Variants in TEX10 observed in about 807,000 individuals in gnomAD.
The protein encoded by TEX10 is testis-expressed protein 10.
TEX10 carries 24 observed loss-of-function variants against 104.4 expected under a neutral mutation model. The ratio of observed to expected loss-of-function variants is 0.23; its 90% CI spans 0.17 to 0.32. The LOEUF (loss-of-function observed/expected upper bound fraction) is 0.32, where lower values mean the gene tolerates loss of function less well. TEX10 is among the 10% of genes least tolerant of loss of function. The probability of loss-of-function intolerance (pLI) is 1.00; values close to 1 mark genes in which losing one functional copy is unlikely to be tolerated. For synonymous variants in TEX10, 396 were observed against 393.4 expected (o/e 1.01, Z -0.08); for missense variants, 921 against 1,083.9 (o/e 0.85, Z 2.11).
chr9:100,322,801 A>G (rs1358809475), intron 9 of TEX10, among the ~76,000 whole-genome samples: 1 of 152,092 alleles, frequency 6.6e-6, no homozygotes, highest in Non-Finnish European at 1.5e-5. Flanking sequence ...TTTTTAGTAG[A>G]GATGGGGTTT....
At chr9:100,332,707 G>A (rs1431124223) in intron 5 of TEX10, among the ~76,000 whole-genome samples, 1 of 151,968 alleles carries the variant, frequency 6.6e-6, no homozygotes, top group African/African-American at 2.4e-5. Flanking sequence ...TGTAGTCCCA[G>A]CTACTCAGGA....
At chr9:100,347,682 C>G in intron 2 of TEX10, among the ~76,000 whole-genome samples, 1 of 152,134 alleles carries the variant, frequency 6.6e-6, no homozygotes, top group East Asian at 1.9e-4. Flanking sequence ...TGACAGCAAT[C>G]ACACCATCAT....
intron 11 of TEX10, among the ~76,000 whole-genome samples, chr9:100,315,502 T>C (rs1452107462): frequency 2.0e-5 from 3 of 152,184 alleles, no homozygotes; most frequent in Non-Finnish European, 4.4e-5. Context: ...TCTTGCTGAA[T>C]TGATCCGTTC....
intron 10 of TEX10, among the ~76,000 whole-genome samples, 154 bp downstream of exon 10, chr9:100,321,526 TTTC>T (rs761508046): frequency 2.0e-5 from 3 of 152,174 alleles, no homozygotes; most frequent in Non-Finnish European, 2.9e-5. Context: ...AGAAATATTC[TTTC>T]GATTTCCAGT....
At chr9:100,318,896 A>T (rs1444346896) in intron 11 of TEX10, among the ~76,000 whole-genome samples, 1 of 152,140 alleles carries the variant, frequency 6.6e-6, no homozygotes, top group East Asian at 1.9e-4. Flanking sequence ...AGATCTCTTA[A>T]AAAGAAGACA....
intron 9 of TEX10, among the ~76,000 whole-genome samples, chr9:100,323,451 C>T (rs1289865497): frequency 1.3e-5 from 2 of 152,114 alleles, no homozygotes; most frequent in Non-Finnish European, 2.9e-5. Context: ...GAGCATCTTT[C>T]CGTATTTATG....
chr9:100,310,383 T>C lies in TEX10; in HGVS notation c.2203-4A>G. On this transcript the variant is annotated splice_polypyrimidine_tract_variant and splice_region_variant and intron_variant, in intron 11 of 14. Coordinates refer to ENST00000374902, the MANE Select transcript of TEX10 (RefSeq NM_017746.4). ...CCAATAAACTGTGAAAAACTGCCTGTCAGAAAAGGAGAAAACCACTAACCA... is the reference window on the plus strand; with the variant it reads ...CCAATAAACTGTGAAAAACTGCCTGCCAGAAAAGGAGAAAACCACTAACCA... 1.2e-6 allele frequency: 2 copies of C among 1,612,704 alleles called. No individual in the cohort carries two copies. Among genetic ancestry groups the C allele is most frequent in the South Asian group, 2.2e-5 (2 of 90,732 alleles).
In TEX10 at chr9:100,346,058, C is replaced by A. The variant is rs1835291885; in HGVS notation, c.1137+14G>T. 2 of 1,602,602 alleles carry A rather than the reference C, an allele frequency of 1.2e-6. No individual in the cohort carries two copies. Among genetic ancestry groups the A allele is most frequent in the South Asian group, 2.2e-5 (2 of 89,176 alleles). On this transcript the variant is annotated intron_variant, in intron 4 of 14. Coordinates refer to ENST00000374902, the MANE Select transcript of TEX10 (RefSeq NM_017746.4). ...CTATTAATACTAAGAAAATAAAGAACCATTAGTTCTCACCAATTTATGGGT... is the reference window on the plus strand; with the variant it reads ...CTATTAATACTAAGAAAATAAAGAAACATTAGTTCTCACCAATTTATGGGT...
Position 100,331,682 on chromosome 9 carries a change from G to T in TEX10, c.1251-1513C>A, listed in dbSNP as rs572358228. The stretch of plus-strand genomic sequence containing the variant: ...AGGTTACAAAGAGCCAGAGGCTAAA[G>T]ACATCAAAATTAATTGTGTAAGCAA... On this transcript the variant is annotated intron_variant, in intron 5 of 14. Transcript: ENST00000374902. Among the ~76,000 whole-genome samples, 7 of 152,312 alleles carry T rather than the reference G, an allele frequency of 4.6e-5. No homozygotes were observed. The South Asian group carries it at 1.4e-3, about 32-fold the overall frequency.
intron 5 of TEX10, among the ~76,000 whole-genome samples, chr9:100,336,349 T>C (rs1835008796): frequency 6.6e-6 from 1 of 152,118 alleles, no homozygotes; most frequent in Non-Finnish European, 1.5e-5. Context: ...AAATGAAGAT[T>C]GTTCTGTATT....
intron 9 of TEX10, among the ~76,000 whole-genome samples, chr9:100,323,600 G>T (rs554565335): frequency 6.6e-6 from 1 of 152,140 alleles, no homozygotes; most frequent in Non-Finnish European, 1.5e-5. Flanking sequence ...AACTATAACT[G>T]GTTGGTAAAA....
Position 100,349,258 on chromosome 9 carries a change from T to C in TEX10, c.106A>G (p.Lys36Glu), listed in dbSNP as rs202033924. The C allele has an allele frequency of 1.2e-6, 2 of 1,607,242 alleles. No homozygotes were observed. Among genetic ancestry groups the C allele is most frequent in the Non-Finnish European group, 8.5e-7 (1 of 1,178,184 alleles). ...AGTTGCTCAGGCAGATGTATAGTCT[T>C]TGTTTTAAAGTTTGTAGGAGTAGCA... ...QNATPTNFKT[K>E]TIHLPEQLKE... Residue 36 changes from lysine to glutamate, a missense_variant, in exon 2 of 15, where the codon AAG becomes GAG. Lys to Glu is a moderately conservative substitution (Grantham distance 56, BLOSUM62 1). Around this residue, in one of 3 missense-constraint regions of TEX10, gnomAD observed 118 missense variants for 111.3 expected, o/e 1.06. Transcript: ENST00000374902.
chr9:100,325,156 TTAAA>T (rs1394694062), intron 9 of TEX10, among the ~76,000 whole-genome samples: 2 of 152,186 alleles, frequency 1.3e-5, no homozygotes, highest in Non-Finnish European at 2.9e-5. Flanking sequence ...AGAAAGTCTA[TTAAA>T]AGTAAGCTAC....
At position 100,303,796 on chromosome 9, in the gene TEX10, G is replaced by A. The variant is rs146070264; in HGVS notation, c.2512C>T (p.Arg838Ter). ...VCVSILALLP[R>*]VLRLMLQSLR... Reference sequence around the variant, plus strand: ...CTCTGCAGCATCAACCTGAGGACTCGAGGCAAGAGAGCCAGGATGGAGACA... The same window carrying A: ...CTCTGCAGCATCAACCTGAGGACTCAAGGCAAGAGAGCCAGGATGGAGACA... The change falls in exon 14 of 15, where the codon CGA becomes TGA. Residue 838 changes from arginine (R) to a stop codon, truncating the protein, a stop_gained. Transcript: ENST00000374902. LOFTEE classifies it high-confidence loss of function. 1.9e-6 allele frequency: 3 copies of A among 1,613,984 alleles called. No individual in the cohort carries two copies. The highest frequency in any genetic ancestry group is 2.5e-6 in the Non-Finnish European group (3 of 1,179,992).
At chr9:100,352,371 A>G in intron 1 of TEX10, 1 of 1,551,254 alleles carries the variant, frequency 6.4e-7, no homozygotes, top group Non-Finnish European at 8.7e-7. Context: ...ACGCCAGCTC[A>G]TCCCCACTCC....
chr9:100,335,753 ATGG>A lies in TEX10; in HGVS notation c.1250+4501_1250+4503del, dbSNP rs367794329. Among the ~76,000 whole-genome samples, 75 of 152,022 alleles carry A rather than the reference ATGG, an allele frequency of 4.9e-4. 1 individual carries two copies. In the East Asian group the frequency reaches 0.012, roughly 25 times the overall value. ...CATGTCCTTTTTTTTTTTGAGATAGATGGTGATGATCACACAATATTGTGAAAG... is the reference window on the plus strand; with the variant it reads ...CATGTCCTTTTTTTTTTTGAGATAGATGATGATCACACAATATTGTGAAAG... On this transcript the variant is annotated intron_variant, in intron 5 of 14. Transcript: ENST00000374902.
chr9:100,337,499 A>G (rs1381934918), intron 5 of TEX10, among the ~76,000 whole-genome samples: 1 of 152,252 alleles, frequency 6.6e-6, no homozygotes, highest in Non-Finnish European at 1.5e-5. Flanking sequence ...ATCCCAGAAG[A>G]AAAACTCTAA....
chr9:100,344,572 G>A (rs1028529028), intron 4 of TEX10, among the ~76,000 whole-genome samples: 5 of 152,170 alleles, frequency 3.3e-5, no homozygotes, highest in South Asian at 2.1e-4. Context: ...TAGGCCAGGC[G>A]TGGTGGCTCA....
At chr9:100,336,439 G>A (rs1174566475) in intron 5 of TEX10, among the ~76,000 whole-genome samples, 5 of 152,064 alleles carry the variant, frequency 3.3e-5, no homozygotes, top group African/African-American at 1.2e-4. Flanking sequence ...ATTCTCATAG[G>A]AGCATGAACC....
Sources: allele counts gnomAD v4.1 joint callset (sites outside exome capture counted in the v4.1 genomes callset), GRCh38; gene constraint gnomAD v4.1.1; regional missense constraint gnomAD v4.1.1; transcripts MANE v1.5; gene names NCBI Gene and HGNC (gene_info 2026-07-23, HGNC 2026-07-21).